The following TYW1B variants were observed in gnomAD, a reference collection of about 807,000 sequenced individuals.
The protein encoded by TYW1B is tRNA-yW synthesizing protein 1 homolog B.
In TYW1B, 73 loss-of-function variants were observed where a neutral mutation model predicts 86.9. The observed-to-expected ratio is 0.84, with a 90% CI of 0.70 to 1.02. TYW1B has a LOEUF of 1.02. Among genes scored for constraint, TYW1B ranks in the 50% least tolerant of loss-of-function variants. The pLI is 0.00. For synonymous variants in TYW1B, 248 were observed against 292.8 expected (o/e 0.85, Z 1.56); for missense variants, 637 against 827.4 (o/e 0.77, Z 2.82).
At chr7:72,670,543 A>C (rs1348505529) in intron 11 of TYW1B, among the ~76,000 whole-genome samples, 1 of 152,212 alleles carries the variant, frequency 6.6e-6, no homozygotes, top group Admixed American at 6.5e-5. Flanking sequence ...CCCACTTTAC[A>C]GTGAGGAAGT....
chr7:72,825,270 C>T (rs186891557), intron 2 of TYW1B, among the ~76,000 whole-genome samples: 2 of 151,994 alleles, frequency 1.3e-5, no homozygotes, highest in African/African-American at 2.4e-5. Context: ...TGTTCCCCCC[C>T]AAAAAAGAGA....
intron 13 of TYW1B, among the ~76,000 whole-genome samples, chr7:72,590,764 A>G (rs1461806760): frequency 1.3e-5 from 2 of 152,238 alleles, no homozygotes; most frequent in African/African-American, 2.4e-5. Context: ...ACAAATGTCC[A>G]GTTTTCAACA....
At chr7:72,677,566 C>T (rs1401476166) in intron 11 of TYW1B, among the ~76,000 whole-genome samples, 4 of 152,104 alleles carry the variant, frequency 2.6e-5, no homozygotes, top group African/African-American at 7.2e-5. Flanking sequence ...GAGCCCTTGG[C>T]GGAATGAAAA....
At chr7:72,712,262 GTCCTCTT>G (rs1786682890) in intron 10 of TYW1B, among the ~76,000 whole-genome samples, 1 of 151,984 alleles carries the variant, frequency 6.6e-6, no homozygotes, top group Non-Finnish European at 1.5e-5. Flanking sequence ...TAATTACCTA[GTCCTCTT>G]CTCCGCTAGC....
chr7:72,656,069 A>G (rs1442410978), intron 11 of TYW1B, among the ~76,000 whole-genome samples: 5 of 152,200 alleles, frequency 3.3e-5, no homozygotes, highest in African/African-American at 4.8e-5. Flanking sequence ...TTTGTCTGCC[A>G]TCCAGGGCCA....
chr7:72,642,220 G>A (rs1273827756), intron 11 of TYW1B, among the ~76,000 whole-genome samples: 2 of 152,130 alleles, frequency 1.3e-5, no homozygotes, highest in Non-Finnish European at 2.9e-5. Flanking sequence ...ACTCAAAACT[G>A]CTCAAAGAGC....
chr7:72,617,546 T>C (rs1812107031), intron 12 of TYW1B, among the ~76,000 whole-genome samples: 1 of 152,108 alleles, frequency 6.6e-6, no homozygotes, highest in Admixed American at 6.6e-5. Flanking sequence ...TTTGTATTTT[T>C]AGTAGAGATG....
At chr7:72,743,619 G>A (rs555529374) in intron 8 of TYW1B, among the ~76,000 whole-genome samples, 23 of 152,108 alleles carry the variant, frequency 1.5e-4, no homozygotes, top group Non-Finnish European at 2.8e-4. Flanking sequence ...CGAGGTGGGC[G>A]GATCACCTGA....
intron 13 of TYW1B, among the ~76,000 whole-genome samples, chr7:72,576,266 T>C (rs1811019337): frequency 1.3e-5 from 2 of 152,180 alleles, no homozygotes; most frequent in African/African-American, 4.8e-5. Context: ...CAATTTCAAT[T>C]CAGTAAGAGG....
intron 12 of TYW1B, among the ~76,000 whole-genome samples, chr7:72,626,778 T>G (rs1382963550): frequency 6.6e-6 from 1 of 151,836 alleles, no homozygotes; most frequent in African/African-American, 2.4e-5. Flanking sequence ...CCAAACCATC[T>G]CTTGCTTGGA....
Position 72,773,557 on chromosome 7 carries a change from G to A in TYW1B, c.964+3859C>T, listed in dbSNP as rs536114473. On this transcript the variant is annotated intron_variant, in intron 7 of 13. Transcript: ENST00000620995. ...ATGCAACAGAGCCTGGGGAGACAAA[G>A]GTGGCTACAGTTTGCAGGATTGAAA... Among the ~76,000 whole-genome samples the A allele has an allele frequency of 2.0e-5, 3 of 152,276 alleles. No individual in the cohort carries two copies. In the East Asian group the frequency reaches 5.8e-4, roughly 29 times the overall value.
In TYW1B at chr7:72,632,402, T is replaced by TATATATATACATATATATATATA. The variant is rs1563038784; in HGVS notation, c.1507-3406_1507-3405insTATATATATATATGTATATATAT. On this transcript the variant is annotated intron_variant, in intron 11 of 13. Transcript: ENST00000620995. ...TATATATATACGTATATATATATAA[T>TATATATATACATATATATATATA]ATATATATACATATATATATAAAAT... 5.0e-4 allele frequency among the ~76,000 whole-genome samples: 40 copies of TATATATATACATATATATATATA among 79,680 alleles called. No homozygotes were observed. In the East Asian group the frequency reaches 6.7e-3, roughly 13 times the overall value. The allele number at this position is 79,680 out of a possible 152,430, so 52.3% of individuals were successfully genotyped here.
At chr7:72,738,525 C>T (rs1450473155) in intron 8 of TYW1B, among the ~76,000 whole-genome samples, 21 of 152,150 alleles carry the variant, frequency 1.4e-4, no homozygotes, top group African/African-American at 4.8e-4. Context: ...GGAGCACTGT[C>T]CTATGCATTA....
chr7:72,816,985 A>G (rs1788736058), intron 2 of TYW1B, among the ~76,000 whole-genome samples: 3 of 152,288 alleles, frequency 2.0e-5, no homozygotes, highest in Middle Eastern at 6.8e-3. Context: ...ATCCTATAGA[A>G]CCTGAGGAGG....
At chr7:72,697,978 A>G (rs1460526668) in intron 10 of TYW1B, 1 of 153,812 alleles carries the variant, frequency 6.5e-6, no homozygotes, top group Non-Finnish European at 1.5e-5. Flanking sequence ...TATCTGCAGG[A>G]AAAAAAAGGA....
At chr7:72,712,173 C>T (rs1786680988) in intron 10 of TYW1B, among the ~76,000 whole-genome samples, 3 of 152,152 alleles carry the variant, frequency 2.0e-5, no homozygotes, top group Admixed American at 6.6e-5. Flanking sequence ...CCACCTAAAC[C>T]TGACCCTTCC....
At chr7:72,670,862 T>G (rs1813584051) in intron 11 of TYW1B, among the ~76,000 whole-genome samples, 1 of 152,230 alleles carries the variant, frequency 6.6e-6, no homozygotes, top group Non-Finnish European at 1.5e-5. Context: ...AAAATTATTT[T>G]GCGTGTTGGT....
rs531430829 is a variant in TYW1B at position 72,752,624 on chromosome 7, G to A, written c.965-8023C>T. On this transcript the variant is annotated intron_variant, in intron 7 of 13. Coordinates refer to ENST00000620995, the MANE Select transcript of TYW1B (RefSeq NM_001145440.3). Reference sequence around the variant, plus strand: ...CAGGAGCGTGTAATCCCAGCTACTCGGGAGGCTGAGGCAGGAGAATCTCTT... The same window carrying A: ...CAGGAGCGTGTAATCCCAGCTACTCAGGAGGCTGAGGCAGGAGAATCTCTT... Among the ~76,000 whole-genome samples, 9 of 152,124 alleles carry A rather than the reference G, an allele frequency of 5.9e-5. No homozygotes were observed. The South Asian group carries it at 1.9e-3, about 32-fold the overall frequency.
At chr7:72,811,574 A>C (rs1788620107) in intron 3 of TYW1B, among the ~76,000 whole-genome samples, 1 of 152,008 alleles carries the variant, frequency 6.6e-6, no homozygotes. Context: ...TTCTCGGTTC[A>C]TTACCATCTC....
Sources: gnomAD v4.1 joint callset for allele counts (sites outside exome capture counted in the v4.1 genomes callset) on GRCh38, gnomAD v4.1.1 for gene constraint, MANE v1.5 for transcripts, NCBI Gene and HGNC (gene_info 2026-07-23, HGNC 2026-07-21) for gene names.